Variants in GLI1 observed in about 807,000 individuals in gnomAD.
GLI1 encodes the protein GLI family zinc finger 1.
A neutral mutation model predicts 87.8 loss-of-function variants in GLI1; 51 were observed. The observed-to-expected ratio is 0.58, with a 90% CI of 0.46 to 0.73. The LOEUF is 0.73. GLI1 is among the 30% of genes least tolerant of loss of function. The probability of loss-of-function intolerance (pLI) is 0.00; values close to 1 mark genes in which losing one functional copy is unlikely to be tolerated. For synonymous variants in GLI1, 528 were observed against 558.2 expected, an observed-to-expected ratio of 0.95 and a Z score of 0.76; for missense variants, 1,292 against 1,437.2, an observed-to-expected ratio of 0.90 and a Z score of 1.63.
chr12:57,460,822 C>A (rs562025679), intron 1 of GLI1, among the ~76,000 whole-genome samples: 3 of 152,060 alleles, frequency 2.0e-5, no homozygotes, highest in Admixed American at 1.3e-4. Context: ...TAGAATGACC[C>A]CATGCAATTT....
At chr12:57,462,904 G>A (rs1871236537) in intron 1 of GLI1, among the ~76,000 whole-genome samples, 1 of 152,182 alleles carries the variant, frequency 6.6e-6, no homozygotes, top group South Asian at 2.1e-4. Flanking sequence ...AAGGAAGGGG[G>A]AACGGGCTCT....
At position 57,465,661 on chromosome 12, in the gene GLI1, G is replaced by T; in HGVS notation, c.589G>T (p.Gly197Cys). Residue 197 changes from glycine to cysteine, a missense_variant, in exon 6 of 12, where the codon GGT becomes TGT. Around this residue, in one of 3 missense-constraint regions of GLI1, gnomAD observed 383 missense variants for 368.4 expected, o/e 1.04. Transcript: ENST00000228682. ...VGKCREEPLE[G>C]DMSSPNSTGI... Reference sequence around the variant, plus strand: ...CAAGTGCCGGGAGGAACCCTTGGAAGGTGATATGTCCAGCCCCAACTCCAC... The same window carrying T: ...CAAGTGCCGGGAGGAACCCTTGGAATGTGATATGTCCAGCCCCAACTCCAC... 6.2e-7 allele frequency: 1 copy of T among 1,614,228 alleles called. No homozygotes were observed. The highest frequency in any genetic ancestry group is 8.5e-7 in the Non-Finnish European group (1 of 1,180,022).
Position 57,469,742 on chromosome 12 carries a change from C to T in GLI1, c.1576+44C>T, listed in dbSNP as rs1427754016. 2.5e-6 allele frequency: 4 copies of T among 1,595,408 alleles called. No homozygotes were observed. In the South Asian group the frequency reaches 4.4e-5, roughly 18 times the overall value. ...AGGTGTGGCTGGGGTGAGATCTGGA[C>T]CTGCCCTGAGGTTGAGAGGAGGAAG... On this transcript the variant is annotated intron_variant, in intron 11 of 11. Transcript: ENST00000228682.
chr12:57,462,195 T>A (rs1412399747), intron 1 of GLI1, among the ~76,000 whole-genome samples: 1 of 151,490 alleles, frequency 6.6e-6, no homozygotes, highest in Non-Finnish European at 1.5e-5. Flanking sequence ...TGTCCCCCCA[T>A]CCAGCTGCCA....
chr12:57,470,649 C>T lies in GLI1; in HGVS notation c.1909C>T (p.Arg637Trp), dbSNP rs200606293. The change falls in exon 12 of 12, where the codon CGG becomes TGG. Residue 637 changes from arginine to tryptophan, a missense_variant. Transcript: ENST00000228682. ...ATACAACCCCAATGCAGGGGTCACC[C>T]GGAGGGCCAGTGACCCAGCCCAGGC... ...PGYNPNAGVTRRASDPAQAAD... is the reference protein window; with the variant it reads ...PGYNPNAGVTWRASDPAQAAD... 6 of 1,613,540 alleles carry T rather than the reference C, an allele frequency of 3.7e-6. No individual in the cohort carries two copies. The highest frequency in any genetic ancestry group is 3.3e-5 in the South Asian group (3 of 91,072).
intron 8 of GLI1, among the ~76,000 whole-genome samples, chr12:57,466,809 C>T (rs536703860): frequency 6.6e-6 from 1 of 152,084 alleles, no homozygotes; most frequent in South Asian, 2.1e-4. Flanking sequence ...GAGGATGAGG[C>T]AGAAGAATCA....
chr12:57,465,303 TG>T, intron 5 of GLI1, 48 bp downstream of exon 5: 1 of 1,358,112 alleles, frequency 7.4e-7, no homozygotes, highest in Non-Finnish European at 1.0e-6. Flanking sequence ...TCAGGGTGGG[TG>T]GGTGGTGGAT....
intron 10 of GLI1, among the ~76,000 whole-genome samples, chr12:57,468,640 T>C (rs936343398): frequency 1.3e-5 from 2 of 152,052 alleles, no homozygotes; most frequent in African/African-American, 4.8e-5. Flanking sequence ...ATTTTTCTTC[T>C]TTTTAGAGAT....
rs765613579 is a variant in GLI1, at chr12:57,467,412, A to G, written c.992A>G (p.Tyr331Cys). 1.2e-6 allele frequency: 2 copies of G among 1,613,202 alleles called. No homozygotes were observed. The highest frequency in any genetic ancestry group is 1.1e-5 in the South Asian group (1 of 91,068). ...HLRSHTGEKP[Y>C]MCEHEGCSKA... ...CGGTCACACACGGGTGAGAAGCCATACATGTGTGAGCACGAGGGCTGCAGT... is the reference window on the plus strand; with the variant it reads ...CGGTCACACACGGGTGAGAAGCCATGCATGTGTGAGCACGAGGGCTGCAGT... The change falls in exon 9 of 12, where the codon TAC becomes TGC. Residue 331 changes from tyrosine to cysteine, a missense_variant. Physicochemically the swap from Tyr to Cys is radical, Grantham distance 194. Around this residue, in one of 3 missense-constraint regions of GLI1, gnomAD observed 897 missense variants for 1,040.7 expected, o/e 0.86. Transcript: ENST00000228682.
rs778077698 is a variant in GLI1 at position 57,467,328 on chromosome 12, C to G, written c.913-5C>G. The G allele has an allele frequency of 2.5e-6, 4 of 1,600,540 alleles. No individual in the cohort carries two copies. The East Asian group carries it at 9.0e-5, about 36-fold the overall frequency. On this transcript the variant is annotated splice_polypyrimidine_tract_variant and splice_region_variant and intron_variant, in intron 8 of 11. Coordinates refer to ENST00000228682, the MANE Select transcript of GLI1 (RefSeq NM_005269.3). ...ACTATCCTTTGACCCCTGCATGTCC[C>G]CCAGTTTGAAGGGTGCCGGAAGTCA...
Position 57,464,655 on chromosome 12 carries a change from C to T in GLI1, c.194-18C>T, listed in dbSNP as rs200238590. On this transcript the variant is annotated intron_variant, in intron 3 of 11. Coordinates refer to ENST00000228682, the MANE Select transcript of GLI1 (RefSeq NM_005269.3). ...CATGCCCCTTTACCATATCCGTCTC[C>T]GCTGTCTCCTGCCCCAGGCCCACTC... The T allele has an allele frequency of 2.6e-4, 420 of 1,604,296 alleles. 5 individuals are homozygous for T. The East Asian group carries it at 7.8e-3, about 30-fold the overall frequency.
intron 8 of GLI1, among the ~76,000 whole-genome samples, chr12:57,467,000 T>G (rs1871531823): frequency 6.6e-6 from 1 of 152,184 alleles, no homozygotes; most frequent in African/African-American, 2.4e-5. Context: ...CTCTGCCTAA[T>G]GGATAAACCC....
At chr12:57,465,740 ACTAAAGCTGTCAC>A in intron 6 of GLI1, 35 bp from the exon 7 acceptor site, 1 of 1,613,994 alleles carries the variant, frequency 6.2e-7, no homozygotes, top group Non-Finnish European at 8.5e-7. Flanking sequence ...CCTGAGCAAA[ACTAAAGCTGTCAC>A]CCAAGTGACC....
At chr12:57,461,062 C>A (rs186098270) in intron 1 of GLI1, among the ~76,000 whole-genome samples, 1 of 151,932 alleles carries the variant, frequency 6.6e-6, no homozygotes, top group African/African-American at 2.4e-5. Context: ...GACCACCCTG[C>A]CTGCCCTTGC....
chr12:57,466,593 T>C (rs73344067), intron 8 of GLI1, among the ~76,000 whole-genome samples: 3,587 of 152,254 alleles, frequency 0.024, 140 homozygotes, highest in African/African-American at 0.082. Flanking sequence ...CTCATTTTTT[T>C]CCCCTTGATT....
In GLI1 at chr12:57,470,875, C is replaced by T. The variant is rs1295917661; in HGVS notation, c.2135C>T (p.Ser712Phe). Residue 712 changes from serine (S) to phenylalanine (F), a missense_variant, in exon 12 of 12, where the codon TCC becomes TTC. Ser to Phe is a radical substitution (Grantham distance 155). Around this residue, in one of 3 missense-constraint regions of GLI1, gnomAD observed 897 missense variants for 1,040.7 expected, o/e 0.86. Transcript: ENST00000228682. ...CAGGAAGAGCCAGAAGTTGGGACCTCCATGGTGGGCAGTGGTCTGAACCCC... is the reference window on the plus strand; with the variant it reads ...CAGGAAGAGCCAGAAGTTGGGACCTTCATGGTGGGCAGTGGTCTGAACCCC... ...GLQEEPEVGT[S>F]MVGSGLNPYM... 1 of 1,611,340 alleles carries T rather than the reference C, an allele frequency of 6.2e-7. No individual in the cohort carries two copies. The highest frequency in any genetic ancestry group is 1.1e-5 in the South Asian group (1 of 90,770).
chr12:57,464,449 G>A (rs567808268), intron 3 of GLI1, among the ~76,000 whole-genome samples: 1 of 151,548 alleles, frequency 6.6e-6, no homozygotes, highest in African/African-American at 2.4e-5. Flanking sequence ...TTGAACCTGG[G>A]AACGCAGAGG....
intron 11 of GLI1, 81 bp from the exon 12 acceptor site, chr12:57,470,236 G>A (rs2139863742): frequency 8.4e-6 from 9 of 1,070,708 alleles, no homozygotes; most frequent in Non-Finnish European, 1.2e-5. Flanking sequence ...AGAATCCAGG[G>A]CAAGGCTGTT....
In GLI1 at chr12:57,471,059, T is replaced by G. The variant is rs1025729201; in HGVS notation, c.2319T>G (p.Pro773=). Residue 773 remains proline, a synonymous_variant, in exon 12 of 12, where the codon CCT becomes CCG. Transcript: ENST00000228682. This position sits in a 1 kb window ranked among gnomAD's most constrained non-coding sequence, Gnocchi z 4.9. ...CCTGTCCCCAGCAGGCCTCATATCC[T>G]GACCCCACCCAAGAAACATGGGGTG... The part of the protein sequence containing the change: ...PNPCPQQASY[P]DPTQETWGEF... 1 of 1,611,424 alleles carries G rather than the reference T, an allele frequency of 6.2e-7. No homozygotes were observed. The highest frequency in any genetic ancestry group is 1.3e-5 in the African/African-American group (1 of 74,894).
Sources: gnomAD v4.1 joint callset for allele counts (sites outside exome capture counted in the v4.1 genomes callset) on GRCh38, gnomAD v4.1.1 for gene constraint, gnomAD v4.1.1 regional missense constraint, Gnocchi (gnomAD v3.1) non-coding constraint, MANE v1.5 for transcripts, NCBI Gene and HGNC (gene_info 2026-07-23, HGNC 2026-07-21) for gene names.